FOXK2: variants seen among roughly 807,000 people sequenced by gnomAD.
FOXK2 encodes the protein forkhead box K2.
In FOXK2, 24 loss-of-function variants were observed where a neutral mutation model predicts 53.3. The observed-to-expected ratio is 0.45, with a 90% CI of 0.33 to 0.63. The LOEUF (loss-of-function observed/expected upper bound fraction) is 0.63, where lower values mean the gene tolerates loss of function less well. Among genes scored for constraint, FOXK2 ranks in the 30% least tolerant of loss-of-function variants. The probability of loss-of-function intolerance (pLI) is 0.03; values close to 1 mark genes in which losing one functional copy is unlikely to be tolerated. For synonymous variants in FOXK2, 505 were observed against 407.1 expected, an observed-to-expected ratio of 1.24 and a Z score of -2.89; for missense variants, 952 against 910.5, an observed-to-expected ratio of 1.05 and a Z score of -0.59.
Position 82,598,181 on chromosome 17 carries a change from T to C in FOXK2, c.1787-3122T>C, listed in dbSNP as rs183289540. Reference sequence around the variant, plus strand: ...CAGAACACTAAACTTATTCCTTCTGTCTAGCTGTCGTTTCTAGTTTTACGT... The same window carrying C: ...CAGAACACTAAACTTATTCCTTCTGCCTAGCTGTCGTTTCTAGTTTTACGT... On this transcript the variant is annotated intron_variant, in intron 8 of 8. Coordinates refer to ENST00000335255, the MANE Select transcript of FOXK2 (RefSeq NM_004514.4). Among the ~76,000 whole-genome samples the C allele has an allele frequency of 2.5e-3, 376 of 152,384 alleles. 2 individuals carry two copies. The highest frequency in any genetic ancestry group is 0.012 in the South Asian group (60 of 4,834).
chr17:82,543,472 C>T (rs968021416), intron 1 of FOXK2, among the ~76,000 whole-genome samples: 2 of 152,210 alleles, frequency 1.3e-5, no homozygotes, highest in Non-Finnish European at 2.9e-5. Context: ...CACCCAGGAG[C>T]TGAGCAGAGG....
At chr17:82,575,841 C>G (rs1026723744) in intron 4 of FOXK2, among the ~76,000 whole-genome samples, 1 of 152,240 alleles carries the variant, frequency 6.6e-6, no homozygotes, top group African/African-American at 2.4e-5. Context: ...TAAAGAGATG[C>G]AGATGCGCAA....
chr17:82,560,507 CCTGGCGCTGT>C (rs930436946), intron 1 of FOXK2, among the ~76,000 whole-genome samples: 83 of 152,304 alleles, frequency 5.4e-4, no homozygotes, highest in South Asian at 1.0e-3. Context: ...GCGGTTCCAC[CCTGGCGCTGT>C]GGTGCAGCTG....
intron 1 of FOXK2, among the ~76,000 whole-genome samples, chr17:82,556,558 T>TGCTGGGGCTGGGGCTGGG (rs372908472): frequency 9.7e-5 from 14 of 144,592 alleles, no homozygotes; most frequent in African/African-American, 3.6e-4. Flanking sequence ...TCCCTCACCT[T>TGCTGGGGCTGGGGCTGGG]GCTGGGGCTG....
At chr17:82,568,313 G>T in intron 3 of FOXK2, 112 bp downstream of exon 3, 1 of 1,293,188 alleles carries the variant, frequency 7.7e-7, no homozygotes. Context: ...CCCTGCCAGG[G>T]CATCGGTGGG....
intron 8 of FOXK2, among the ~76,000 whole-genome samples, chr17:82,588,903 AAAC>A (rs1171350276): frequency 1.3e-5 from 2 of 150,844 alleles, no homozygotes; most frequent in Admixed American, 6.6e-5. Context: ...AAAAAAAAAA[AAAC>A]AAATTAGCCG....
chr17:82,525,173 A>G (rs2044404590), intron 1 of FOXK2, among the ~76,000 whole-genome samples: 1 of 151,112 alleles, frequency 6.6e-6, no homozygotes, highest in African/African-American at 2.4e-5. Context: ...TTATTTATCT[A>G]TTAATCTATT....
chr17:82,573,556 T>TCACACACACA (rs1306989038), intron 4 of FOXK2, among the ~76,000 whole-genome samples: 1 of 116,454 alleles, frequency 8.6e-6, no homozygotes, highest in African/African-American at 3.0e-5. Flanking sequence ...TCTCTCTCTC[T>TCACACACACA]CTCTCTCACA....
chr17:82,521,620 G>C (rs1311518111), intron 1 of FOXK2, among the ~76,000 whole-genome samples: 1 of 151,310 alleles, frequency 6.6e-6, no homozygotes, highest in Non-Finnish European at 1.5e-5. Flanking sequence ...TTAAACTTTG[G>C]TAGTAGCATT....
At chr17:82,571,350 C>T (rs2044915547) in intron 3 of FOXK2, among the ~76,000 whole-genome samples, 1 of 152,072 alleles carries the variant, frequency 6.6e-6, no homozygotes, top group Non-Finnish European at 1.5e-5. Flanking sequence ...CCCGTAATCC[C>T]AGCACGTTGG....
chr17:82,567,926 CTTTTTTTTTT>C (rs3065019), intron 2 of FOXK2, 118 bp from the exon 3 acceptor site: 1,320 of 423,528 alleles, frequency 3.1e-3, no homozygotes, highest in Middle Eastern at 7.2e-3. Flanking sequence ...TATTCTCTTC[CTTTTTTTTTT>C]TTTTTTTTTT....
chr17:82,599,680 A>G (rs1181228594), intron 8 of FOXK2: 1 of 152,306 alleles, frequency 6.6e-6, no homozygotes, highest in African/African-American at 2.4e-5. Flanking sequence ...CTATCTGGCC[A>G]TGAGGAGCTG....
intron 2 of FOXK2, among the ~76,000 whole-genome samples, chr17:82,563,979 T>C (rs2044826189): frequency 6.6e-6 from 1 of 152,056 alleles, no homozygotes; most frequent in Non-Finnish European, 1.5e-5. Context: ...CTTGAACTCC[T>C]GACCTCAAGT....
chr17:82,567,917 ATT>A, intron 2 of FOXK2, 135 bp from the exon 3 acceptor site: 1 of 694,812 alleles, frequency 1.4e-6, no homozygotes, highest in Non-Finnish European at 2.1e-6. Context: ...AAATGCTGAT[ATT>A]CTCTTCCTTT....
Position 82,585,963 on chromosome 17 carries a change from A to G in FOXK2, c.1339A>G (p.Ile447Val), listed in dbSNP as rs2045134948. The G allele has an allele frequency of 6.2e-7, 1 of 1,612,758 alleles. No homozygotes were observed. The highest frequency in any genetic ancestry group is 8.5e-7 in the Non-Finnish European group (1 of 1,179,940). The change falls in exon 7 of 9, where the codon ATC (isoleucine) becomes GTC (valine). Residue 447 changes from isoleucine to valine, a missense_variant. Transcript: ENST00000335255. ...ITVQRQLPQA[I>V]KPVTYTVATP... ...CGTCCAGCGGCAGCTACCACAGGCC[A>G]TCAAGCCTGTCACCTACACTGTGGC...
chr17:82,564,108 G>A (rs1302838832), intron 2 of FOXK2, among the ~76,000 whole-genome samples: 1 of 134,208 alleles, frequency 7.5e-6, no homozygotes, highest in Non-Finnish European at 1.6e-5. Flanking sequence ...TTTTTTGGGA[G>A]ATGGAGTTTT....
intron 8 of FOXK2, among the ~76,000 whole-genome samples, chr17:82,588,900 A>C (rs2045225170): frequency 1.3e-5 from 2 of 151,362 alleles, no homozygotes; most frequent in South Asian, 4.2e-4. Context: ...AAAAAAAAAA[A>C]AAAAACAAAT....
At chr17:82,564,120 C>T (rs2044828639) in intron 2 of FOXK2, among the ~76,000 whole-genome samples, 1 of 116,570 alleles carries the variant, frequency 8.6e-6, no homozygotes, top group South Asian at 3.2e-4. Context: ...TGGAGTTTTG[C>T]ACTGTTCCCC....
Position 82,568,144 on chromosome 17 carries a change from G to A in FOXK2, c.705G>A (p.Met235Ile), listed in dbSNP as rs1383689342. 5.0e-6 allele frequency: 8 copies of A among 1,613,648 alleles called. No homozygotes were observed. Among genetic ancestry groups the A allele is most frequent in the Non-Finnish European group, 6.8e-6 (8 of 1,180,020 alleles). ...TGATGCCATCTGACCTCAATTTAAT[G>A]GCTGACAACTCACAGCCTGAAAATG... is the stretch of plus-strand genomic sequence containing the variant. ...GRVMPSDLNL[M>I]ADNSQPENEK... Residue 235 changes from methionine (M) to isoleucine (I), a missense_variant, in exon 3 of 9, where the codon ATG (methionine) becomes ATA (isoleucine). This residue lies in a region of FOXK2 where 160 missense variants were observed against 214.2 expected (regional missense o/e 0.75). Coordinates refer to ENST00000335255, the MANE Select transcript of FOXK2 (RefSeq NM_004514.4).
Sources: allele counts gnomAD v4.1 joint callset (sites outside exome capture counted in the v4.1 genomes callset), GRCh38; gene constraint gnomAD v4.1.1; regional missense constraint gnomAD v4.1.1; transcripts MANE v1.5; gene names NCBI Gene and HGNC (gene_info 2026-07-23, HGNC 2026-07-21).